LARP4: variants seen among roughly 807,000 people sequenced by gnomAD.
LARP4 encodes la-related protein 4.
LARP4 carries 29 observed loss-of-function variants against 92.9 expected under a neutral mutation model. The ratio of observed to expected loss-of-function variants is 0.31; its 90% CI spans 0.23 to 0.43. The LOEUF is 0.43. Among genes scored for constraint, LARP4 ranks in the 20% least tolerant of loss-of-function variants. The pLI is 1.00. For synonymous variants in LARP4, 279 were observed against 284.1 expected (o/e 0.98, Z 0.18); for missense variants, 732 against 860.0 (o/e 0.85, Z 1.86).
chr12:50,446,207 CA>C (rs1952014682), intron 8 of LARP4, among the ~76,000 whole-genome samples: 1 of 148,994 alleles, frequency 6.7e-6, no homozygotes, highest in African/African-American at 2.5e-5. Context: ...GGGGTTTCAT[CA>C]TGTTAGCCAG....
Position 50,474,030 on chromosome 12 carries a change from G to T in LARP4, c.1699G>T (p.Asp567Tyr). 6.2e-7 allele frequency: 1 copy of T among 1,611,944 alleles called. No homozygotes were observed. The highest frequency in any genetic ancestry group is 8.5e-7 in the Non-Finnish European group (1 of 1,179,894). Residue 567 changes from aspartate to tyrosine, a missense_variant, in exon 15 of 16, where the codon GAT becomes TAT. This residue lies in a region of LARP4 where 97 missense variants were observed against 85.9 expected (regional missense o/e 1.13). Transcript: ENST00000398473. The part of the protein sequence containing the change: ...TTQQEKDLIE[D>Y]SSVQKDGLNQ... ...TCAGCAAGAAAAGGATCTAATAGAA[G>T]ATTCCTCTGTTCAGAAGGATGGTCT...
Position 50,400,975 on chromosome 12 carries a change from C to T in LARP4, c.-36C>T. On this transcript the variant is annotated 5_prime_UTR_variant, in exon 1 of 16. Coordinates refer to ENST00000398473, the MANE Select transcript of LARP4 (RefSeq NM_052879.5). ...CGGGCCTGTGAGCCAGTTGGAGTTG[C>T]GGCGGCGGGAACGATTGGGCTGAGC... 4 of 1,614,058 alleles carry T rather than the reference C, an allele frequency of 2.5e-6. No individual in the cohort carries two copies. The highest frequency in any genetic ancestry group is 1.6e-4 in the Middle Eastern group (1 of 6,062).
chr12:50,436,571 A>C (rs1358941439), intron 5 of LARP4, among the ~76,000 whole-genome samples: 1 of 152,216 alleles, frequency 6.6e-6, no homozygotes, highest in East Asian at 1.9e-4. Context: ...CAACCTACTA[A>C]TGAGTTGCTG....
intron 13 of LARP4, among the ~76,000 whole-genome samples, chr12:50,471,900 G>A (rs1035053894): frequency 3.3e-5 from 5 of 152,098 alleles, no homozygotes; most frequent in African/African-American, 7.2e-5. Context: ...TCAGTTACAC[G>A]TAGTAGAAAT....
At chr12:50,433,388 G>A (rs1037261371) in intron 4 of LARP4, among the ~76,000 whole-genome samples, 5 of 151,142 alleles carry the variant, frequency 3.3e-5, no homozygotes, top group African/African-American at 4.9e-5. Context: ...CGAACCAGCT[G>A]GGTAATTGAC....
chr12:50,431,124 G>A (rs567836818), intron 4 of LARP4, among the ~76,000 whole-genome samples: 44 of 152,004 alleles, frequency 2.9e-4, no homozygotes, highest in African/African-American at 9.9e-4. Context: ...AAAAATTAGC[G>A]GGGCATGGTG....
chr12:50,466,226 T>C (rs1286046993), intron 12 of LARP4, among the ~76,000 whole-genome samples: 2 of 151,952 alleles, frequency 1.3e-5, no homozygotes, highest in African/African-American at 4.8e-5. Flanking sequence ...TGTCAGAGGA[T>C]ATATAGGGTG....
chr12:50,417,795 G>A (rs1592848236), intron 1 of LARP4, among the ~76,000 whole-genome samples: 1 of 152,174 alleles, frequency 6.6e-6, no homozygotes, highest in East Asian at 1.9e-4. Flanking sequence ...CCAGGTTTAA[G>A]TGATTGTCCT....
intron 1 of LARP4, among the ~76,000 whole-genome samples, chr12:50,427,546 T>A (rs1270101777): frequency 6.6e-6 from 1 of 152,100 alleles, no homozygotes; most frequent in Admixed American, 6.6e-5. Context: ...TTTTAATATT[T>A]AGAGATACCT....
rs1256347854 is a variant in LARP4, at chr12:50,446,429, A to ATATAT, written c.804+4787_804+4788insATATT. On this transcript the variant is annotated intron_variant, in intron 8 of 15. Transcript: ENST00000398473. ...TCTCTCTATATATATATATATATAT[A>ATATAT]TTTTTTTTTTTTTTTATAGACGGAG... Among the ~76,000 whole-genome samples, 3 of 3,916 alleles carry ATATAT rather than the reference A, an allele frequency of 7.7e-4. 1 individual carries two copies. The highest frequency in any genetic ancestry group is 2.5e-3 in the African/African-American group (3 of 1,208). 2.6% of individuals were successfully genotyped at this position (3,916 alleles called of 152,430 possible). A position where few individuals can be genotyped will look rare whatever the true frequency, so the allele number is the denominator to read the frequency against.
At chr12:50,449,345 G>T (rs549215356) in intron 8 of LARP4, among the ~76,000 whole-genome samples, 4 of 152,206 alleles carry the variant, frequency 2.6e-5, no homozygotes, top group Admixed American at 2.6e-4. Flanking sequence ...TATCTGTCTT[G>T]CAGTGTTTCT....
chr12:50,461,995 G>A (rs1955465019), intron 11 of LARP4, among the ~76,000 whole-genome samples: 2 of 152,050 alleles, frequency 1.3e-5, no homozygotes, highest in South Asian at 2.1e-4. Context: ...GTTATATATT[G>A]CCAACTTGCC....
chr12:50,414,000 T>C (rs1326981439), intron 1 of LARP4, among the ~76,000 whole-genome samples: 2 of 152,168 alleles, frequency 1.3e-5, no homozygotes, highest in Admixed American at 1.3e-4. Flanking sequence ...CTCAGTTTCT[T>C]TTGAGTAAAT....
intron 4 of LARP4, among the ~76,000 whole-genome samples, chr12:50,431,194 G>A (rs946214266): frequency 4.6e-5 from 7 of 152,024 alleles, no homozygotes; most frequent in Admixed American, 1.3e-4. Context: ...CTTGAACCCC[G>A]GAGGCGAAGG....
intron 1 of LARP4, among the ~76,000 whole-genome samples, chr12:50,410,090 CAA>C (rs59117589): frequency 7.6e-4 from 83 of 109,916 alleles, no homozygotes; most frequent in East Asian, 8.9e-4. Flanking sequence ...CCACGCCCGG[CAA>C]AAAAAAAAAA....
chr12:50,426,684 GGTGT>G (rs762987529), intron 1 of LARP4, among the ~76,000 whole-genome samples: 1,574 of 86,080 alleles, frequency 0.018, 18 homozygotes, highest in East Asian at 0.037. Context: ...TTATGTTTGG[GGTGT>G]GTGTGTGTGT....
intron 1 of LARP4, among the ~76,000 whole-genome samples, chr12:50,424,054 C>T (rs998841606): frequency 4.6e-5 from 7 of 152,152 alleles, no homozygotes; most frequent in African/African-American, 7.2e-5. Flanking sequence ...CCACTGCACC[C>T]GGCCATGTAA....
intron 6 of LARP4, among the ~76,000 whole-genome samples, chr12:50,438,870 T>C (rs978819180): frequency 2.0e-5 from 3 of 152,330 alleles, no homozygotes; most frequent in Non-Finnish European, 4.4e-5. Flanking sequence ...TAAGGTGATA[T>C]ACATTAAAGA....
At chr12:50,443,396 A>G (rs566053527) in intron 8 of LARP4, among the ~76,000 whole-genome samples, 1 of 152,014 alleles carries the variant, frequency 6.6e-6, no homozygotes, top group South Asian at 2.1e-4. Context: ...TCAGCCTCCC[A>G]AGTAGCTGGG....
Sources: allele counts gnomAD v4.1 joint callset (sites outside exome capture counted in the v4.1 genomes callset), GRCh38; gene constraint gnomAD v4.1.1; regional missense constraint gnomAD v4.1.1; transcripts MANE v1.5; gene names NCBI Gene and HGNC (gene_info 2026-07-23, HGNC 2026-07-21).